The following FIRRM variants were observed in gnomAD, a reference collection of about 807,000 sequenced individuals.
The protein encoded by FIRRM is FIGNL1 interacting regulator of recombination and mitosis.
chr1:169,793,272 G>A, the FIRRM span: 2 of 1,614,020 alleles, frequency 1.2e-6, no homozygotes, highest in Non-Finnish European at 8.5e-7. Flanking sequence ...TTTTCTCCAG[G>A]GAAGTTCTCT....
chr1:169,835,699 A>G, the FIRRM span, among the ~76,000 whole-genome samples: 3 of 152,300 alleles, frequency 2.0e-5, no homozygotes, highest in South Asian at 6.2e-4. Context: ...AATTTTGGCA[A>G]TACCTACCCT....
At chr1:169,801,027 A>G in the FIRRM span, 1 of 840,332 alleles carries the variant, frequency 1.2e-6, no homozygotes, top group South Asian at 1.6e-5. Context: ...TCAGTCTTAG[A>G]TGATTTATTA....
chr1:169,800,335 A>T, the FIRRM span, among the ~76,000 whole-genome samples: 1 of 152,168 alleles, frequency 6.6e-6, no homozygotes, highest in Non-Finnish European at 1.5e-5. Context: ...GTGAGCCACC[A>T]TGCGTGGCAT....
the FIRRM span, among the ~76,000 whole-genome samples, chr1:169,811,935 CAAAG>C: frequency 3.4e-4 from 51 of 148,930 alleles, no homozygotes; most frequent in South Asian, 1.1e-3. Context: ...TAGATAGAAA[CAAAG>C]AAAGAAAGAA....
the FIRRM span, chr1:169,793,569 CTT>C: frequency 1.3e-5 from 21 of 1,614,056 alleles, no homozygotes; most frequent in Non-Finnish European, 1.7e-5. Flanking sequence ...CTGTCCCTCT[CTT>C]CTCCTTTTTG....
At chr1:169,832,776 A>G in the FIRRM span, among the ~76,000 whole-genome samples, 1 of 151,772 alleles carries the variant, frequency 6.6e-6, no homozygotes, top group Non-Finnish European at 1.5e-5. Flanking sequence ...GCTAATTTTT[A>G]AAAAAATTAC....
the FIRRM span, among the ~76,000 whole-genome samples, chr1:169,826,596 C>G: frequency 6.7e-6 from 1 of 148,532 alleles, no homozygotes; most frequent in African/African-American, 2.5e-5. Flanking sequence ...CTCCTGACCT[C>G]AGGTGATCCA....
chr1:169,800,674 T>C, the FIRRM span, among the ~76,000 whole-genome samples: 1 of 151,788 alleles, frequency 6.6e-6, no homozygotes. Flanking sequence ...CCTATTTAAC[T>C]GGTCCACAAT....
At chr1:169,802,734 A>G in the FIRRM span, 1 of 1,534,156 alleles carries the variant, frequency 6.5e-7, no homozygotes, top group South Asian at 1.1e-5. Flanking sequence ...AAGTAAGTCA[A>G]ATGTATTAGA....
chr1:169,796,112 C>A, the FIRRM span: 1 of 371,232 alleles, frequency 2.7e-6, no homozygotes, highest in Non-Finnish European at 3.7e-6. Context: ...GCAGCTAAAG[C>A]CCTATGTAAT....
the FIRRM span, chr1:169,854,005 G>A: frequency 1.7e-6 from 1 of 598,372 alleles, no homozygotes. Flanking sequence ...AATCAGTGTG[G>A]ATGACACCAA....
At chr1:169,816,846 G>A in the FIRRM span, among the ~76,000 whole-genome samples, 1 of 152,074 alleles carries the variant, frequency 6.6e-6, no homozygotes, top group East Asian at 1.9e-4. Flanking sequence ...CCAAAGCCTT[G>A]GTAAAATAAC....
chr1:169,800,749 T>C, the FIRRM span: 5 of 445,934 alleles, frequency 1.1e-5, no homozygotes, highest in Non-Finnish European at 2.0e-5. Flanking sequence ...CTTAATAGTT[T>C]CTCTGTATAG....
chr1:169,846,876 C>G, the FIRRM span, among the ~76,000 whole-genome samples: 1 of 152,136 alleles, frequency 6.6e-6, no homozygotes, highest in Non-Finnish European at 1.5e-5. Context: ...GCAAAAGAGG[C>G]CTAGCTTTTC....
chr1:169,795,481 C>A, the FIRRM span: 1 of 1,248,730 alleles, frequency 8.0e-7, no homozygotes, highest in Non-Finnish European at 1.0e-6. Context: ...CGTTTTCTTC[C>A]ATTCCTTCTT....
At chr1:169,805,100 A>G in the FIRRM span, among the ~76,000 whole-genome samples, 1 of 152,272 alleles carries the variant, frequency 6.6e-6, no homozygotes, top group Non-Finnish European at 1.5e-5. Context: ...TTTGCATTCA[A>G]AACTTTGGTA....
At chr1:169,787,440 G>A in the FIRRM span, among the ~76,000 whole-genome samples, 5 of 152,114 alleles carry the variant, frequency 3.3e-5, no homozygotes, top group Admixed American at 2.6e-4. Flanking sequence ...TGTCTGGCTT[G>A]TCTTCAGCGA....
the FIRRM span, chr1:169,851,748 G>A: frequency 7.1e-6 from 11 of 1,554,634 alleles, no homozygotes; most frequent in East Asian, 2.3e-5. Context: ...CTTAAATTAT[G>A]TGGCCATTTC....
At chr1:169,845,888 T>C in the FIRRM span, among the ~76,000 whole-genome samples, 2 of 152,206 alleles carry the variant, frequency 1.3e-5, no homozygotes, top group Admixed American at 1.3e-4. Flanking sequence ...ATCATGAATG[T>C]TTTTCATGGC....
Sources: allele counts gnomAD v4.1 joint callset (sites outside exome capture counted in the v4.1 genomes callset), GRCh38; gene constraint gnomAD v4.1.1; transcripts MANE v1.5; gene names NCBI Gene and HGNC (gene_info 2026-07-23, HGNC 2026-07-21).